Variants in LAMB1 observed in about 807,000 individuals in gnomAD.
LAMB1 encodes laminin subunit beta-1.
Under a neutral mutation model 222.3 loss-of-function variants are expected in LAMB1, and 121 were observed. That is an observed-to-expected ratio of 0.54 (90% confidence interval 0.47 to 0.63). The LOEUF (loss-of-function observed/expected upper bound fraction) is 0.63, where lower values mean the gene tolerates loss of function less well. Among genes scored for constraint, LAMB1 ranks in the 30% least tolerant of loss-of-function variants. The probability of loss-of-function intolerance (pLI) is 0.00; values close to 1 mark genes in which losing one functional copy is unlikely to be tolerated. For missense variants in LAMB1, 2,172 were observed against 2,240.8 expected, an observed-to-expected ratio of 0.97 and a Z score of 0.62; for synonymous variants, 794 against 807.2, an observed-to-expected ratio of 0.98 and a Z score of 0.28.
intron 13 of LAMB1, among the ~76,000 whole-genome samples, chr7:107,968,414 A>G (rs2033676784): frequency 6.6e-6 from 1 of 152,204 alleles, no homozygotes; most frequent in African/African-American, 2.4e-5. Context: ...AAAGATGTCC[A>G]CATCCTCATC....
At chr7:107,942,950 G>A (rs1320023272) in intron 24 of LAMB1, among the ~76,000 whole-genome samples, 1 of 152,146 alleles carries the variant, frequency 6.6e-6, no homozygotes, top group Non-Finnish European at 1.5e-5. Flanking sequence ...CTTAGCGCCT[G>A]GGGTTTTCAA....
chr7:107,960,555 T>C lies in LAMB1; in HGVS notation c.2204A>G (p.Gln735Arg), dbSNP rs1438247020. The change falls in exon 18 of 34, where the codon CAG becomes CGG. Residue 735 changes from glutamine (Q) to arginine (R), a missense_variant. Coordinates refer to ENST00000222399, the MANE Select transcript of LAMB1 (RefSeq NM_002291.3). Reference sequence around the variant, plus strand: ...GCTGTTCTCTAGACATCGGTATCTCTGAAAGGTTTCCCAGGCACTGTTGGT... The same window carrying C: ...GCTGTTCTCTAGACATCGGTATCTCCGAAAGGTTTCCCAGGCACTGTTGGT... ...VVTNSAWETF[Q>R]RYRCLENSRS... is the part of the protein sequence containing the mutation. 1 of 1,614,138 alleles carries C rather than the reference T, an allele frequency of 6.2e-7. No individual in the cohort carries two copies. Among genetic ancestry groups the C allele is most frequent in the Non-Finnish European group, 8.5e-7 (1 of 1,179,944 alleles).
At chr7:107,972,567 A>C (rs1173343708) in intron 13 of LAMB1, among the ~76,000 whole-genome samples, 3 of 150,200 alleles carry the variant, frequency 2.0e-5, no homozygotes, top group African/African-American at 7.4e-5. Context: ...TGTGATTTTC[A>C]TTAATGGACT....
At chr7:107,937,449 A>C (rs910709414) in intron 25 of LAMB1, among the ~76,000 whole-genome samples, 172 bp from the exon 26 acceptor site, 2 of 152,200 alleles carry the variant, frequency 1.3e-5, no homozygotes, top group African/African-American at 2.4e-5. Flanking sequence ...ATAGTATTAA[A>C]TCTAACAATT....
Position 107,961,663 on chromosome 7 carries a change from C to T in LAMB1, c.1871G>A (p.Trp624Ter). 6.2e-7 allele frequency: 1 copy of T among 1,613,590 alleles called. No homozygotes were observed. ...CTGCACTGTGATGACAGCTTTTTCCCAGTGGTCGGGTAGCTAGAATAAGAA... is the reference window on the plus strand; with the variant it reads ...CTGCACTGTGATGACAGCTTTTTCCTAGTGGTCGGGTAGCTAGAATAAGAA... ...IRYEPQLPDHWEKAVITVQRP... is the reference protein window; with the variant it reads ...IRYEPQLPDH Residue 624 changes from tryptophan to a stop codon, truncating the protein, a stop_gained, in exon 16 of 34, where the codon TGG becomes TAG. Transcript: ENST00000222399. LOFTEE classifies it high-confidence loss of function.
At chr7:107,974,871 C>G (rs548350291) in intron 12 of LAMB1, 115 bp downstream of exon 12, 676 of 665,740 alleles carry the variant, frequency 1.0e-3, no homozygotes, top group Non-Finnish European at 1.5e-3. Context: ...CTACTCATGT[C>G]TTTTAACACG....
chr7:107,958,814 C>A (rs1279108803), intron 20 of LAMB1, among the ~76,000 whole-genome samples: 1 of 152,136 alleles, frequency 6.6e-6, no homozygotes, highest in Non-Finnish European at 1.5e-5. Flanking sequence ...TATAGAGTCT[C>A]CTGGAAACTG....
At chr7:107,989,927 T>C (rs1301604466) in intron 5 of LAMB1, among the ~76,000 whole-genome samples, 5 of 152,242 alleles carry the variant, frequency 3.3e-5, no homozygotes, top group Non-Finnish European at 5.9e-5. Flanking sequence ...AATAGAATCC[T>C]TTCCATACTC....
Position 107,961,583 on chromosome 7 carries a change from C to T in LAMB1, c.1951G>A (p.Asp651Asn), listed in dbSNP as rs2033502277. The change falls in exon 16 of 34, where the codon GAC (aspartate) becomes AAC (asparagine). Residue 651 changes from aspartate (D) to asparagine (N), a missense_variant. Coordinates refer to ENST00000222399, the MANE Select transcript of LAMB1 (RefSeq NM_002291.3). ...GGTGATAATGACACCACCTGGTTGT[C>T]ATCATCGGGGATGGTATTACCACAT... is the stretch of plus-strand genomic sequence containing the variant. The part of the protein sequence containing the change: ...SRCGNTIPDD[D>N]NQVVSLSPGS... 6.2e-7 allele frequency: 1 copy of T among 1,614,096 alleles called. No individual in the cohort carries two copies. Among genetic ancestry groups the T allele is most frequent in the Non-Finnish European group, 8.5e-7 (1 of 1,179,970 alleles).
At chr7:107,926,571 C>A (rs1468371894) in intron 31 of LAMB1, among the ~76,000 whole-genome samples, 1 of 152,088 alleles carries the variant, frequency 6.6e-6, no homozygotes, top group Non-Finnish European at 1.5e-5. Context: ...TCTTTCAGTA[C>A]TTCTGATGAT....
chr7:107,928,972 T>C, intron 31 of LAMB1, 92 bp downstream of exon 31: 1 of 1,226,752 alleles, frequency 8.2e-7, no homozygotes, highest in South Asian at 1.3e-5. Flanking sequence ...TGTTGAGTTG[T>C]AAGAATTTCT....
chr7:107,985,345 C>A lies in LAMB1; in HGVS notation c.676+677G>T, dbSNP rs1584532613. 3.3e-5 allele frequency among the ~76,000 whole-genome samples: 5 copies of A among 152,160 alleles called. No individual in the cohort carries two copies. In the East Asian group the frequency reaches 9.6e-4, roughly 29 times the overall value. ...TTACCATCAAAACTTTTATTTGGGC[C>A]AGGCGCGCTGGTTCACGCCTGTAAT... On this transcript the variant is annotated intron_variant, in intron 7 of 33. Coordinates refer to ENST00000222399, the MANE Select transcript of LAMB1 (RefSeq NM_002291.3).
intron 4 of LAMB1, 115 bp downstream of exon 4, chr7:107,998,242 G>C: frequency 1.0e-6 from 1 of 974,652 alleles, no homozygotes; most frequent in Non-Finnish European, 1.6e-6. Flanking sequence ...TCTGTCAGAG[G>C]CCATAATTAC....
At chr7:107,993,085 C>A (rs901122150) in intron 5 of LAMB1, among the ~76,000 whole-genome samples, 1 of 152,126 alleles carries the variant, frequency 6.6e-6, no homozygotes, top group Non-Finnish European at 1.5e-5. Flanking sequence ...CTCACTGGAG[C>A]TAGGACCCGA....
chr7:107,928,594 G>A (rs2032624864), intron 31 of LAMB1, among the ~76,000 whole-genome samples: 1 of 151,902 alleles, frequency 6.6e-6, no homozygotes, highest in Non-Finnish European at 1.5e-5. Flanking sequence ...CCCGGTTCAA[G>A]CAATTCTCCT....
chr7:107,936,824 A>G (rs1169254902), intron 26 of LAMB1, among the ~76,000 whole-genome samples: 5 of 28,452 alleles, frequency 1.8e-4, no homozygotes, highest in East Asian at 0.016. Flanking sequence ...ACTGGAGGGA[A>G]AAAAAAAAAA....
chr7:107,927,199 A>G (rs1165683216), intron 31 of LAMB1, among the ~76,000 whole-genome samples: 1 of 152,212 alleles, frequency 6.6e-6, no homozygotes, highest in Non-Finnish European at 1.5e-5. Context: ...AAACCTAAGG[A>G]CCCTTTAATT....
intron 5 of LAMB1, among the ~76,000 whole-genome samples, chr7:107,990,322 G>A (rs548562399): frequency 6.6e-6 from 1 of 152,152 alleles, no homozygotes; most frequent in African/African-American, 2.4e-5. Flanking sequence ...TTACAGGCAT[G>A]AGCCACTATG....
chr7:107,980,474 G>T, intron 8 of LAMB1, 135 bp downstream of exon 8: 1 of 659,482 alleles, frequency 1.5e-6, no homozygotes, highest in Non-Finnish European at 2.6e-6. Flanking sequence ...CTACCTGTAT[G>T]GTGCAAAGGG....
Sources: gnomAD v4.1 joint callset for allele counts (sites outside exome capture counted in the v4.1 genomes callset) on GRCh38, gnomAD v4.1.1 for gene constraint, MANE v1.5 for transcripts, NCBI Gene and HGNC (gene_info 2026-07-23, HGNC 2026-07-21) for gene names.